The following HDAC8 variants were observed in gnomAD, a reference collection of about 807,000 sequenced individuals.
The protein encoded by HDAC8 is histone deacetylase 8, also known as histone deacetylase-like 1.
Under a neutral mutation model 32.2 loss-of-function variants are expected in HDAC8, and 1 was observed. The observed-to-expected ratio is 0.03, with a 90% CI of 0.01 to 0.15. HDAC8 has a LOEUF of 0.15. Among genes scored for constraint, HDAC8 ranks in the 10% least tolerant of loss-of-function variants. The pLI is 1.00. For missense variants in HDAC8, 117 were observed against 300.0 expected, an observed-to-expected ratio of 0.39 and a Z score of 4.51; for synonymous variants, 108 against 113.9, an observed-to-expected ratio of 0.95 and a Z score of 0.33.
intron 9 of HDAC8, among the ~76,000 whole-genome samples, chrX:72,442,739 G>C (rs2047199679): frequency 8.9e-6 from 1 of 111,943 alleles, no homozygotes; most frequent in Non-Finnish European, 1.9e-5. Context: ...ACACAGACTG[G>C]CAAATTGGAT....
At chrX:72,522,257 T>G (rs781852538) in intron 4 of HDAC8, among the ~76,000 whole-genome samples, 28 of 112,605 alleles carry the variant, frequency 2.5e-4, no homozygotes, top group Non-Finnish European at 7.5e-5. Flanking sequence ...TACTTTGAAC[T>G]CTAAAGATTA....
intron 9 of HDAC8, among the ~76,000 whole-genome samples, chrX:72,389,765 C>G (rs2045562259): frequency 9.0e-6 from 1 of 111,571 alleles, no homozygotes; most frequent in Non-Finnish European, 1.9e-5. Context: ...TAACAAGATC[C>G]CATGTTCTAG....
At position 72,464,596 on chromosome X, in the gene HDAC8, G is replaced by A. The variant is rs1555993129; in HGVS notation, c.873C>T (p.Ile291=). The A allele has an allele frequency of 6.6e-6, 8 of 1,208,967 alleles. No individual in the cohort carries two copies. The highest frequency in any genetic ancestry group is 9.0e-6 in the Non-Finnish European group (8 of 893,008). ...PVGIGKCLKY[I]LQWQLATLIL... is the part of the protein sequence containing the mutation. Reference sequence around the variant, plus strand: ...TGAGTGTTGCCAACTGCCATTGAAGGATGTACTTAAGACACTTGCCAATTC... The same window carrying A: ...TGAGTGTTGCCAACTGCCATTGAAGAATGTACTTAAGACACTTGCCAATTC... The change falls in exon 8 of 11, where the codon ATC becomes ATT. Residue 291 remains isoleucine, a synonymous_variant. Coordinates refer to ENST00000373573, the MANE Select transcript of HDAC8 (RefSeq NM_018486.3).
chrX:72,367,668 T>A (rs1391484658), intron 9 of HDAC8, among the ~76,000 whole-genome samples: 1 of 112,557 alleles, frequency 8.9e-6, no homozygotes, highest in East Asian at 2.8e-4. Flanking sequence ...GGATGATTTA[T>A]CACCTTGCCA....
At chrX:72,386,594 G>A (rs945401572) in intron 9 of HDAC8, among the ~76,000 whole-genome samples, 2 of 111,358 alleles carry the variant, frequency 1.8e-5, no homozygotes, top group African/African-American at 3.3e-5. Context: ...TTATGAACCC[G>A]GTACAGTTCT....
chrX:72,550,768 T>C (rs2051040086), intron 4 of HDAC8, among the ~76,000 whole-genome samples: 1 of 111,537 alleles, frequency 9.0e-6, no homozygotes, highest in Non-Finnish European at 1.9e-5. Flanking sequence ...TTTCTAAGGA[T>C]ACAAAAGCTG....
chrX:72,567,280 G>A (rs2051832621), intron 4 of HDAC8, among the ~76,000 whole-genome samples: 1 of 112,142 alleles, frequency 8.9e-6, no homozygotes, highest in Non-Finnish European at 1.9e-5. Context: ...ACTTTCATTA[G>A]AGGAGCATGA....
chrX:72,333,248 A>G (rs1394279726), intron 10 of HDAC8, among the ~76,000 whole-genome samples: 3 of 111,395 alleles, frequency 2.7e-5, no homozygotes, highest in Non-Finnish European at 5.7e-5. Flanking sequence ...TCTCCAATCT[A>G]TCCCCTTCTT....
At chrX:72,360,027 C>T (rs2044497701) in intron 9 of HDAC8, among the ~76,000 whole-genome samples, 1 of 102,073 alleles carries the variant, frequency 9.8e-6, no homozygotes, top group African/African-American at 3.8e-5. Context: ...GCACTCTAGC[C>T]AGGGTGATAC....
chrX:72,571,311 C>T (rs1556154051), intron 2 of HDAC8, among the ~76,000 whole-genome samples: 1 of 110,939 alleles, frequency 9.0e-6, no homozygotes, highest in East Asian at 2.8e-4. Context: ...TGAACTCACA[C>T]CCTCAAATCT....
rs200164521 is a variant in HDAC8 at position 72,330,441 on chromosome X, GTC to G, written c.1112-367_1112-366del. ...TGAGCTAAACAAATGGTTGTTTTAA[GTC>G]TCTCTCTCTCTCTCGTAACACTTTT... On this transcript the variant is annotated intron_variant, in intron 10 of 10. Transcript: ENST00000373573. Among the ~76,000 whole-genome samples, 13 of 110,135 alleles carry G rather than the reference GTC, an allele frequency of 1.2e-4. No individual in the cohort carries two copies. In the East Asian group the frequency reaches 3.7e-3, roughly 31 times the overall value.
intron 8 of HDAC8, among the ~76,000 whole-genome samples, chrX:72,464,270 T>C (rs936709546): frequency 8.9e-5 from 10 of 112,169 alleles, no homozygotes; most frequent in Non-Finnish European, 1.9e-4. Flanking sequence ...GTTAACATCC[T>C]CTATTTTTAA....
In HDAC8 at chrX:72,555,010, A is replaced by T. The variant is rs370460017; in HGVS notation, c.437+12879T>A. On this transcript the variant is annotated intron_variant, in intron 4 of 10. Coordinates refer to ENST00000373573, the MANE Select transcript of HDAC8 (RefSeq NM_018486.3). ...AGAAAAACACAACTAAGGACCCTCC[A>T]CTTCACTCCCCTGCTACCTCCACTG... Among the ~76,000 whole-genome samples, 4 of 111,990 alleles carry T rather than the reference A, an allele frequency of 3.6e-5. No homozygotes were observed. The East Asian group carries it at 1.1e-3, about 32-fold the overall frequency.
chrX:72,346,727 A>T (rs2044038092), intron 10 of HDAC8, among the ~76,000 whole-genome samples: 1 of 102,325 alleles, frequency 9.8e-6, no homozygotes, highest in African/African-American at 3.6e-5. Context: ...TTCCTTCTCT[A>T]CTAGGGAAAG....
intron 7 of HDAC8, among the ~76,000 whole-genome samples, chrX:72,472,442 T>C (rs1191080732): frequency 2.7e-5 from 3 of 111,918 alleles, no homozygotes; most frequent in African/African-American, 9.7e-5. Context: ...CTCTCCCCCA[T>C]TGAATGGTCT....
At chrX:72,370,061 A>T (rs186015414) in intron 9 of HDAC8, among the ~76,000 whole-genome samples, 1 of 112,047 alleles carries the variant, frequency 8.9e-6, no homozygotes, top group Non-Finnish European at 1.9e-5. Flanking sequence ...AAAGGATCTG[A>T]TGAGGAACCT....
chrX:72,407,269 G>A (rs181465659), intron 9 of HDAC8, among the ~76,000 whole-genome samples: 2 of 112,162 alleles, frequency 1.8e-5, no homozygotes, highest in Admixed American at 9.4e-5. Flanking sequence ...GCTGGCCTGC[G>A]CACTGGGAGG....
At chrX:72,424,354 T>A (rs2046571612) in intron 9 of HDAC8, among the ~76,000 whole-genome samples, 1 of 111,714 alleles carries the variant, frequency 9.0e-6, no homozygotes, top group Non-Finnish European at 1.9e-5. Context: ...GAAAGTTGTA[T>A]CCTCAGGATT....
chrX:72,432,277 A>G (rs189284039), intron 9 of HDAC8, among the ~76,000 whole-genome samples: 195 of 111,230 alleles, frequency 1.8e-3, no homozygotes, highest in African/African-American at 6.0e-3. Context: ...CCTGGCTCAG[A>G]GTAGTTTTAA....
Sources: allele counts gnomAD v4.1 joint callset (sites outside exome capture counted in the v4.1 genomes callset), GRCh38; gene constraint gnomAD v4.1.1; transcripts MANE v1.5; gene names NCBI Gene and HGNC (gene_info 2026-07-23, HGNC 2026-07-21).